Variants in UGT1A8 observed in about 807,000 individuals in gnomAD.
UGT1A8 encodes the protein UDP-glucuronosyltransferase 1A8.
UGT1A8 carries 39 observed loss-of-function variants against 45.3 expected under a neutral mutation model. The observed-to-expected ratio is 0.86, with a 90% confidence interval of 0.67 to 1.12. The LOEUF (loss-of-function observed/expected upper bound fraction) is 1.12. Ranked by LOEUF, UGT1A8 falls within the 50% of genes most tolerant of loss-of-function variation. The pLI is 0.00. For synonymous variants in UGT1A8, 275 were observed against 249.2 expected, an observed-to-expected ratio of 1.10 and a Z score of -0.97; for missense variants, 719 against 664.9, an observed-to-expected ratio of 1.08 and a Z score of -0.90.
At chr2:233,640,795 G>T (rs2073430857) in intron 1 of UGT1A8, among the ~76,000 whole-genome samples, 1 of 152,164 alleles carries the variant, frequency 6.6e-6, no homozygotes. Flanking sequence ...GTAGGAAGCA[G>T]TTGGAAGATG....
intron 1 of UGT1A8, among the ~76,000 whole-genome samples, chr2:233,678,281 C>G (rs1334703128): frequency 6.6e-6 from 1 of 152,176 alleles, no homozygotes; most frequent in Non-Finnish European, 1.5e-5. Context: ...CTCAGGTAAC[C>G]TGCACATGTA....
chr2:233,701,626 G>A (rs949680433), intron 1 of UGT1A8, among the ~76,000 whole-genome samples: 37 of 152,190 alleles, frequency 2.4e-4, no homozygotes, highest in Non-Finnish European at 4.7e-4. Context: ...TAAAAGAACA[G>A]AAATTATAGC....
intron 4 of UGT1A8, chr2:233,770,452 G>C (rs1050174931): frequency 6.6e-6 from 1 of 152,078 alleles, no homozygotes; most frequent in African/African-American, 2.4e-5. Context: ...TTAGGAGTTC[G>C]AAACCAACCT....
intron 1 of UGT1A8, chr2:233,742,641 A>G (rs1692051746): frequency 1.3e-5 from 2 of 152,170 alleles, no homozygotes. Flanking sequence ...GTCCTAGTAT[A>G]CCACCGACCA....
intron 1 of UGT1A8, among the ~76,000 whole-genome samples, chr2:233,751,264 C>T (rs796592770): frequency 6.6e-6 from 1 of 151,872 alleles, no homozygotes; most frequent in East Asian, 1.9e-4. Context: ...CTGTAGCCCC[C>T]TTTTTTTGGC....
chr2:233,693,993 C>G (rs1321694157), intron 1 of UGT1A8: 16 of 1,526,640 alleles, frequency 1.0e-5, no homozygotes, highest in Non-Finnish European at 1.4e-5. Context: ...GAAGTGATAC[C>G]CGGCTCGGAG....
intron 1 of UGT1A8, among the ~76,000 whole-genome samples, chr2:233,655,044 A>AT (rs1418879589): frequency 6.6e-6 from 1 of 152,060 alleles, no homozygotes; most frequent in African/African-American, 2.4e-5. Context: ...AGCCGAGATC[A>AT]TACCACTGCA....
At chr2:233,632,389 G>T (rs562799312) in intron 1 of UGT1A8, among the ~76,000 whole-genome samples, 85 of 152,252 alleles carry the variant, frequency 5.6e-4, no homozygotes, top group Non-Finnish European at 1.1e-3. Context: ...ATGGTAGCTT[G>T]ATGTGGATAG....
chr2:233,627,116 T>G (rs1263397068), intron 1 of UGT1A8, among the ~76,000 whole-genome samples: 1 of 152,078 alleles, frequency 6.6e-6, no homozygotes, highest in Non-Finnish European at 1.5e-5. Flanking sequence ...CTTCCTGCCT[T>G]GCATTCTGGT....
rs35003977 is a variant in UGT1A8, at chr2:233,760,961, T to G, written c.856-6073T>G. 783 of 1,614,200 alleles carry G rather than the reference T, an allele frequency of 4.9e-4. 4 individuals are homozygous for G. The highest frequency in any genetic ancestry group is 3.5e-3 in the Middle Eastern group (21 of 6,062). On this transcript the variant is annotated intron_variant, in intron 1 of 4. Coordinates refer to ENST00000373450, the MANE Select transcript of UGT1A8 (RefSeq NM_019076.5). ...TTTTCACAGAACTTTCTGTGCGACG[T>G]GGTTTATTCCCCGTATGCAACCCTT...
intron 1 of UGT1A8, chr2:233,761,211 C>G (rs35802766): frequency 6.2e-7 from 1 of 1,613,738 alleles, no homozygotes; most frequent in East Asian, 2.2e-5. Flanking sequence ...TACTTTGGAT[C>G]GATTAACTAG....
chr2:233,619,640 G>T (rs2072965031), intron 1 of UGT1A8, among the ~76,000 whole-genome samples: 2 of 151,942 alleles, frequency 1.3e-5, no homozygotes, highest in South Asian at 4.2e-4. Flanking sequence ...TTATTCCTTG[G>T]CATTTTATGA....
At chr2:233,622,366 A>G (rs1320415808) in intron 1 of UGT1A8, among the ~76,000 whole-genome samples, 1 of 152,070 alleles carries the variant, frequency 6.6e-6, no homozygotes, top group African/African-American at 2.4e-5. Context: ...AAGCGTTCCT[A>G]TTTCTCCACA....
intron 1 of UGT1A8, among the ~76,000 whole-genome samples, chr2:233,642,815 T>G (rs1002055457): frequency 6.6e-6 from 1 of 152,246 alleles, no homozygotes; most frequent in Non-Finnish European, 1.5e-5. Flanking sequence ...GATACTTCTC[T>G]GGATTCCAGC....
intron 1 of UGT1A8, chr2:233,721,861 C>A: frequency 2.0e-6 from 1 of 507,538 alleles, no homozygotes; most frequent in Non-Finnish European, 3.9e-6. Flanking sequence ...CTGCTCGGCC[C>A]TGGGCACACT....
At chr2:233,729,824 G>C in intron 1 of UGT1A8, 1 of 1,613,884 alleles carries the variant, frequency 6.2e-7, no homozygotes, top group South Asian at 1.1e-5. Flanking sequence ...CCTTATGCAA[G>C]CCTTGCCTCT....
chr2:233,736,460 A>G (rs1342574700), intron 1 of UGT1A8, among the ~76,000 whole-genome samples: 1 of 152,154 alleles, frequency 6.6e-6, no homozygotes, highest in Non-Finnish European at 1.5e-5. Context: ...TCGAACATGC[A>G]CTTTTAGCTT....
intron 1 of UGT1A8, chr2:233,756,329 T>A (rs934859836): frequency 6.6e-6 from 1 of 152,238 alleles, no homozygotes; most frequent in African/African-American, 2.4e-5. Flanking sequence ...TTTAAACCTC[T>A]AGTCATCTCT....
chr2:233,675,177 T>C (rs956649230), intron 1 of UGT1A8, among the ~76,000 whole-genome samples: 1 of 152,140 alleles, frequency 6.6e-6, no homozygotes, highest in African/African-American at 2.4e-5. Context: ...TTAAATACTT[T>C]AACAAGGATG....
Sources: allele counts gnomAD v4.1 joint callset (sites outside exome capture counted in the v4.1 genomes callset), GRCh38; gene constraint gnomAD v4.1.1; transcripts MANE v1.5; gene names NCBI Gene and HGNC (gene_info 2026-07-23, HGNC 2026-07-21).